The following STAC2 variants were observed in gnomAD, a reference collection of about 807,000 sequenced individuals.
The protein encoded by STAC2 is SH3 and cysteine rich domain 2.
Under a neutral mutation model 49.0 loss-of-function variants are expected in STAC2, and 36 were observed. The observed-to-expected ratio is 0.74, with a 90% CI of 0.56 to 0.97. The LOEUF (loss-of-function observed/expected upper bound fraction) is 0.97. Ranked by LOEUF, STAC2 falls within the 50% of genes least tolerant of loss-of-function variation. The pLI, the probability that STAC2 is intolerant of heterozygous loss-of-function variation, is 0.00. For synonymous variants in STAC2, 239 were observed against 214.7 expected (o/e 1.11, Z -0.99); for missense variants, 527 against 543.8 (o/e 0.97, Z 0.31).
At chr17:39,224,058 A>T (rs1229524928) in intron 1 of STAC2, among the ~76,000 whole-genome samples, 1 of 152,006 alleles carries the variant, frequency 6.6e-6, no homozygotes, top group Non-Finnish European at 1.5e-5. Context: ...CTGGTGCAGG[A>T]TGGGGGCTCC....
Position 39,214,296 on chromosome 17 carries a change from G to A in STAC2, c.878C>T (p.Pro293Leu). The A allele has an allele frequency of 6.2e-7, 1 of 1,614,040 alleles. No homozygotes were observed. Residue 293 changes from proline (P) to leucine (L), a missense_variant, in exon 8 of 11, where the codon CCC becomes CTC. Physicochemically the swap from Pro to Leu is moderately conservative, Grantham distance 98. Transcript: ENST00000333461. Reference protein sequence around the residue: ...PKATLRKDVGPMYSYVALYKF... With the variant: ...PKATLRKDVGLMYSYVALYKF... ...GTAGAGTGCAACGTAGGAGTACATG[G>A]GCCCCACATCCTTCCGCAGGGTGGC...
At position 39,214,339 on chromosome 17, in the gene STAC2, G is replaced by A. The variant is rs2046381782; in HGVS notation, c.844-9C>T. ...AGGGTGGCTTTGGGGAGCTGCGGGA[G>A]AATCTCTGGGTCGGTGACCGGAAAG... is the stretch of plus-strand genomic sequence containing the variant. On this transcript the variant is annotated splice_polypyrimidine_tract_variant and intron_variant, in intron 7 of 10. Transcript: ENST00000333461. 1 of 1,613,814 alleles carries A rather than the reference G, an allele frequency of 6.2e-7. No homozygotes were observed. Among genetic ancestry groups the A allele is most frequent in the Non-Finnish European group, 8.5e-7 (1 of 1,179,846 alleles).
chr17:39,224,286 G>A (rs2046489705), intron 1 of STAC2, among the ~76,000 whole-genome samples: 1 of 152,344 alleles, frequency 6.6e-6, no homozygotes, highest in South Asian at 2.1e-4. Context: ...TTCGCCTCTG[G>A]AGAACAGGAG....
intron 1 of STAC2, among the ~76,000 whole-genome samples, chr17:39,218,481 C>T (rs572729687): frequency 6.6e-6 from 1 of 152,206 alleles, no homozygotes; most frequent in African/African-American, 2.4e-5. Context: ...AGCTGCAGGT[C>T]TCCTCAAGCC....
chr17:39,214,391 A>G (rs997183494), intron 7 of STAC2, 61 bp from the exon 8 acceptor site: 17 of 1,606,868 alleles, frequency 1.1e-5, no homozygotes, highest in Non-Finnish European at 1.4e-5. Context: ...CCCACTCTCC[A>G]CTCGCTCTGA....
chr17:39,225,674 G>T lies in STAC2; in HGVS notation c.-172C>A, dbSNP rs1009892311. The T allele has an allele frequency of 3.0e-6, 2 of 671,008 alleles. No individual in the cohort carries two copies. Among genetic ancestry groups the T allele is most frequent in the Non-Finnish European group, 5.1e-6 (2 of 391,828 alleles). The allele number at this position is 671,008 out of a possible 1,614,324, so 41.6% of individuals were successfully genotyped here. On this transcript the variant is annotated 5_prime_UTR_variant, in exon 1 of 11. Coordinates refer to ENST00000333461, the MANE Select transcript of STAC2 (RefSeq NM_198993.5). This position sits in a 1 kb window ranked among gnomAD's most constrained non-coding sequence, Gnocchi z 8.2. ...GCGGGAGCGGGCAGAGAAAGTTGCC[G>T]GGGTGGCGGGCGAGGGGAGGCCACC... is the stretch of plus-strand genomic sequence containing the variant.
intron 4 of STAC2, 25 bp from the exon 5 acceptor site, chr17:39,215,255 C>T (rs1360135703): frequency 6.2e-7 from 1 of 1,612,070 alleles, no homozygotes; most frequent in Admixed American, 1.7e-5. Context: ...CCCTCAAGGC[C>T]TGGCTCTGCC....
chr17:39,225,339 C>T lies in STAC2; in HGVS notation c.90+74G>A. The stretch of plus-strand genomic sequence containing the variant: ...CGACCGCGACCCTAGGACGCCCGGG[C>T]CCACAGGAGGACCCCGCCGGGAAGA... On this transcript the variant is annotated intron_variant, in intron 1 of 10. Transcript: ENST00000333461. This position sits in a 1 kb window ranked among gnomAD's most constrained non-coding sequence, Gnocchi z 8.2. The T allele has an allele frequency of 7.6e-7, 1 of 1,319,588 alleles. No individual in the cohort carries two copies. The highest frequency in any genetic ancestry group is 1.5e-5 in the African/African-American group (1 of 64,908). The allele number at this position is 1,319,588 out of a possible 1,614,324, so 81.7% of individuals were successfully genotyped here. A position where few individuals can be genotyped will look rare whatever the true frequency, so the allele number is the denominator to read the frequency against.
rs766617281 is a variant in STAC2, at chr17:39,214,944, C to A, written c.772+7G>T. On this transcript the variant is annotated splice_region_variant and intron_variant, in intron 6 of 10. Coordinates refer to ENST00000333461, the MANE Select transcript of STAC2 (RefSeq NM_198993.5). ...CATTCCTGCCCTTGATGCCCACCACCACTCACCACTGTCACCAGGCCCCTC... is the reference window on the plus strand; with the variant it reads ...CATTCCTGCCCTTGATGCCCACCACAACTCACCACTGTCACCAGGCCCCTC... 1 of 1,614,072 alleles carries A rather than the reference C, an allele frequency of 6.2e-7. No individual in the cohort carries two copies. The highest frequency in any genetic ancestry group is 1.3e-5 in the African/African-American group (1 of 75,018).
At chr17:39,214,682 C>A in intron 7 of STAC2, 109 bp downstream of exon 7, 1 of 1,325,124 alleles carries the variant, frequency 7.5e-7, no homozygotes, top group Non-Finnish European at 1.0e-6. Context: ...AGTGAGGAAG[C>A]AGTGAATCCC....
At position 39,217,066 on chromosome 17, in the gene STAC2, C is replaced by A; in HGVS notation, c.495+10G>T. ...CTCAGCTGGCCATCTCTGCCTGGGT[C>A]CCCGCTCACCGTCTTGCCTGGGCAT... is the stretch of plus-strand genomic sequence containing the variant. On this transcript the variant is annotated intron_variant, in intron 3 of 10. Coordinates refer to ENST00000333461, the MANE Select transcript of STAC2 (RefSeq NM_198993.5). 2 of 1,613,654 alleles carry A rather than the reference C, an allele frequency of 1.2e-6. No individual in the cohort carries two copies. Among genetic ancestry groups the A allele is most frequent in the Non-Finnish European group, 1.7e-6 (2 of 1,179,704 alleles).
At chr17:39,214,483 T>C (rs768916170) in intron 7 of STAC2, 153 bp from the exon 8 acceptor site, 29 of 981,714 alleles carry the variant, frequency 3.0e-5, no homozygotes, top group Non-Finnish European at 3.4e-5. Flanking sequence ...GTACATGCTA[T>C]GCTCACCCAC....
intron 9 of STAC2, 124 bp from the exon 10 acceptor site, chr17:39,213,256 G>A (rs887843994): frequency 1.3e-5 from 19 of 1,490,316 alleles, no homozygotes; most frequent in East Asian, 9.3e-5. Flanking sequence ...AGGGCTCTCC[G>A]GATTCCAGCC....
chr17:39,217,288 G>T, intron 2 of STAC2, 115 bp from the exon 3 acceptor site: 1 of 946,296 alleles, frequency 1.1e-6, no homozygotes, highest in Non-Finnish European at 1.6e-6. Flanking sequence ...CAGCCTTGAG[G>T]CCCAGCACCT....
In STAC2 at chr17:39,217,087, G is replaced by C. The variant is rs766807585; in HGVS notation, c.484C>G (p.Pro162Ala). ...CSEEISHQQC[P>A]GKTSTSFRRN... The stretch of plus-strand genomic sequence containing the variant: ...GGGTCCCCGCTCACCGTCTTGCCTG[G>C]GCATTGCTGGTGGGAGATCTCCTCA... Residue 162 changes from proline (P) to alanine (A), a missense_variant, in exon 3 of 11, where the codon CCA becomes GCA. Pro to Ala is a conservative substitution (Grantham distance 27). Transcript: ENST00000333461. The C allele has an allele frequency of 6.2e-7, 1 of 1,613,982 alleles. No individual in the cohort carries two copies. The highest frequency in any genetic ancestry group is 1.1e-5 in the South Asian group (1 of 91,086).
At chr17:39,219,878 G>A (rs1473213799) in intron 1 of STAC2, among the ~76,000 whole-genome samples, 1 of 152,222 alleles carries the variant, frequency 6.6e-6, no homozygotes, top group East Asian at 1.9e-4. Flanking sequence ...AGAGGGACTT[G>A]GCCAGGGTTC....
Position 39,215,149 on chromosome 17 carries a change from C to T in STAC2, c.668G>A (p.Ser223Asn), listed in dbSNP as rs754569042. ...CCTTGTCGGGGACTCAGAGGTGCTG[C>T]TGAAACTGGAGCGGTTCATCAGTGC... ...SLALMNRSSF[S>N]STSESPTRSL... Residue 223 changes from serine to asparagine, a missense_variant, in exon 5 of 11, where the codon AGC (serine) becomes AAC (asparagine). Coordinates refer to ENST00000333461, the MANE Select transcript of STAC2 (RefSeq NM_198993.5). The T allele has an allele frequency of 8.1e-6, 13 of 1,613,980 alleles. No homozygotes were observed. The highest frequency in any genetic ancestry group is 6.7e-5 in the Admixed American group (4 of 60,004).
Position 39,215,252 on chromosome 17 carries a change from G to A in STAC2, c.587-22C>T, listed in dbSNP as rs371323933. 63 of 1,612,738 alleles carry A rather than the reference G, an allele frequency of 3.9e-5. No individual in the cohort carries two copies. In the African/African-American group the frequency reaches 7.2e-4, roughly 18 times the overall value. On this transcript the variant is annotated intron_variant, in intron 4 of 10. Transcript: ENST00000333461. Reference sequence around the variant, plus strand: ...TCCCCTGCAGATTATCCACCCTCAAGGCCTGGCTCTGCCTCAAAGCCCTGC... The same window carrying A: ...TCCCCTGCAGATTATCCACCCTCAAAGCCTGGCTCTGCCTCAAAGCCCTGC...
In STAC2 at chr17:39,217,135, CTT is replaced by C. The variant is rs758389188; in HGVS notation, c.434_435del (p.Lys145SerfsTer9). 2 of 1,614,016 alleles carry C rather than the reference CTT, an allele frequency of 1.2e-6. No individual in the cohort carries two copies. The highest frequency in any genetic ancestry group is 1.7e-6 in the Non-Finnish European group (2 of 1,179,974). On this transcript the variant is annotated frameshift_variant, in exon 3 of 11. Transcript: ENST00000333461. LOFTEE classifies it high-confidence loss of function. ...TCAGAGCACCAGAGGTGGACGCTGA[CTT>C]TGCACATCTTACATCGCAAGCCCTG... Reference protein sequence around the residue: ...SKQGLRCKMCKVSVHLWCSEE... With the variant: ...SKQGLRCKMCXVSVHLWCSEE...
Sources: allele counts gnomAD v4.1 joint callset (sites outside exome capture counted in the v4.1 genomes callset), GRCh38; gene constraint gnomAD v4.1.1; non-coding constraint Gnocchi (gnomAD v3.1); transcripts MANE v1.5; gene names NCBI Gene and HGNC (gene_info 2026-07-23, HGNC 2026-07-21).